Variants in GRID2 observed in about 807,000 individuals in gnomAD.
GRID2 encodes glutamate ionotropic receptor delta type subunit 2, also known as glutamate receptor ionotropic, delta-2.
Under a neutral mutation model 114.8 loss-of-function variants are expected in GRID2, and 33 were observed. The ratio of observed to expected loss-of-function variants is 0.29; its 90% confidence interval spans 0.22 to 0.38. The LOEUF is 0.38. GRID2 is among the 10% of genes least tolerant of loss of function. GRID2 has a pLI of 1.00. For missense variants in GRID2, 1,184 were observed against 1,257.7 expected, an observed-to-expected ratio of 0.94 and a Z score of 0.89; for synonymous variants, 505 against 449.9, an observed-to-expected ratio of 1.12 and a Z score of -1.55.
chr4:92,321,477 A>C (rs1474751558), intron 1 of GRID2, among the ~76,000 whole-genome samples: 1 of 152,184 alleles, frequency 6.6e-6, no homozygotes, highest in African/African-American at 2.4e-5. Context: ...GCTTTTCAGC[A>C]TGTTTTTTCT....
intron 1 of GRID2, among the ~76,000 whole-genome samples, chr4:93,801,301 AC>A (rs1734922729): frequency 6.6e-6 from 1 of 152,088 alleles, no homozygotes; most frequent in African/African-American, 2.4e-5. Flanking sequence ...GTTAAATTTA[AC>A]TATTATTTAA....
chr4:93,607,365 C>T (rs1366623373), intron 13 of GRID2, among the ~76,000 whole-genome samples: 1 of 152,096 alleles, frequency 6.6e-6, no homozygotes, highest in Non-Finnish European at 1.5e-5. Context: ...GAAATCCTTC[C>T]ATAGCACCTT....
intron 13 of GRID2, among the ~76,000 whole-genome samples, chr4:93,555,779 A>G (rs1227000987): frequency 1.3e-5 from 2 of 152,176 alleles, no homozygotes; most frequent in African/African-American, 4.8e-5. Flanking sequence ...TTCCTCCTCA[A>G]GTGGGTCCCT....
chr4:92,329,811 A>G (rs1286750584), intron 1 of GRID2, among the ~76,000 whole-genome samples: 1 of 151,996 alleles, frequency 6.6e-6, no homozygotes, highest in African/African-American at 2.4e-5. Context: ...AGAGAGTGAT[A>G]GAGGATATGA....
intron 2 of GRID2, among the ~76,000 whole-genome samples, chr4:92,885,925 C>G (rs1389921002): frequency 6.6e-6 from 1 of 152,100 alleles, no homozygotes; most frequent in Non-Finnish European, 1.5e-5. Context: ...ATGTTAACTT[C>G]CACATGGTAA....
chr4:92,738,273 ATG>A (rs1736700004), intron 2 of GRID2, among the ~76,000 whole-genome samples: 1 of 152,104 alleles, frequency 6.6e-6, no homozygotes, highest in Admixed American at 6.6e-5. Flanking sequence ...GATGGATTGA[ATG>A]TCTGTTCCTT....
At chr4:92,859,043 G>C (rs960146723) in intron 2 of GRID2, among the ~76,000 whole-genome samples, 1 of 152,004 alleles carries the variant, frequency 6.6e-6, no homozygotes, top group Admixed American at 6.6e-5. Flanking sequence ...ATCCTACTAC[G>C]GGTAAAATGA....
In GRID2 at chr4:93,190,185, T is replaced by G. The variant is rs141204852; in HGVS notation, c.736-17219T>G. ...GAAAGGGAACTAACACTTTTGTTTT[T>G]TATTAAAATAAAAAGAAACAACAAA... On this transcript the variant is annotated intron_variant, in intron 4 of 15. Coordinates refer to ENST00000282020, the MANE Select transcript of GRID2 (RefSeq NM_001510.4). Among the ~76,000 whole-genome samples, 636 of 152,252 alleles carry G rather than the reference T, an allele frequency of 4.2e-3. 8 individuals carry two copies. The highest frequency in any genetic ancestry group is 0.015 in the African/African-American group (613 of 41,574).
intron 8 of GRID2, among the ~76,000 whole-genome samples, chr4:93,377,365 T>C (rs1235051457): frequency 6.6e-6 from 1 of 152,210 alleles, no homozygotes; most frequent in Non-Finnish European, 1.5e-5. Context: ...TGAGCTTTGA[T>C]GAGTCAATCA....
rs528237558 is a variant in GRID2 at position 92,365,615 on chromosome 4, T to C, written c.88+60871T>C. On this transcript the variant is annotated intron_variant, in intron 1 of 15. Coordinates refer to ENST00000282020, the MANE Select transcript of GRID2 (RefSeq NM_001510.4). Reference sequence around the variant, plus strand: ...CAATAGAATCAATAATATTGTATTATATATTTCAAAGAAACTAAGAAGAAA... The same window carrying C: ...CAATAGAATCAATAATATTGTATTACATATTTCAAAGAAACTAAGAAGAAA... 7.9e-5 allele frequency among the ~76,000 whole-genome samples: 12 copies of C among 152,108 alleles called. No individual in the cohort carries two copies. In the East Asian group the frequency reaches 1.4e-3, roughly 17 times the overall value.
chr4:93,539,398 A>T (rs941155513), intron 13 of GRID2, among the ~76,000 whole-genome samples: 1 of 151,940 alleles, frequency 6.6e-6, no homozygotes, highest in Non-Finnish European at 1.5e-5. Context: ...CACTTATTCA[A>T]CCTCAAGCTT....
intron 2 of GRID2, among the ~76,000 whole-genome samples, chr4:92,941,874 T>C (rs940363210): frequency 2.6e-5 from 4 of 152,046 alleles, no homozygotes; most frequent in Non-Finnish European, 5.9e-5. Flanking sequence ...TGTAGTTGAG[T>C]GGTTTTGAGT....
At chr4:92,449,880 C>G (rs1720814405) in intron 1 of GRID2, among the ~76,000 whole-genome samples, 1 of 151,360 alleles carries the variant, frequency 6.6e-6, no homozygotes, top group African/African-American at 2.4e-5. Context: ...GGAAAAGCAC[C>G]TTTATCAAAG....
intron 1 of GRID2, among the ~76,000 whole-genome samples, chr4:92,580,589 T>A (rs1728134161): frequency 6.7e-6 from 1 of 149,826 alleles, no homozygotes; most frequent in South Asian, 2.1e-4. Flanking sequence ...AATTAGAATT[T>A]TTACTCTGTA....
chr4:92,548,428 G>GTT (rs1257540747), intron 1 of GRID2, among the ~76,000 whole-genome samples: 3 of 9,578 alleles, frequency 3.1e-4, no homozygotes, highest in African/African-American at 1.1e-3. Context: ...TTGAGACAGA[G>GTT]TCTTGTTCTG....
intron 2 of GRID2, among the ~76,000 whole-genome samples, chr4:93,027,981 C>A (rs548915802): frequency 6.6e-6 from 1 of 152,110 alleles, no homozygotes; most frequent in South Asian, 2.1e-4. Context: ...CATGTCATAT[C>A]TAAGAAATTA....
intron 14 of GRID2, among the ~76,000 whole-genome samples, chr4:93,661,770 C>T (rs1723514969): frequency 6.6e-6 from 1 of 152,026 alleles, no homozygotes; most frequent in Admixed American, 6.6e-5. Flanking sequence ...GCTGTGTAGT[C>T]GGCACAAATG....
intron 1 of GRID2, among the ~76,000 whole-genome samples, chr4:92,492,161 CAG>C (rs530960315): frequency 1.2e-3 from 177 of 152,266 alleles, no homozygotes; most frequent in Admixed American, 6.1e-3. Context: ...AAAAAGTAAA[CAG>C]AGTCTTTGAA....
intron 13 of GRID2, among the ~76,000 whole-genome samples, chr4:93,616,725 T>A (rs1005364780): frequency 2.0e-5 from 3 of 151,526 alleles, no homozygotes; most frequent in Non-Finnish European, 4.4e-5. Context: ...AAAATATCAG[T>A]AAACTTTTGC....
Sources: gnomAD v4.1 joint callset for allele counts (sites outside exome capture counted in the v4.1 genomes callset) on GRCh38, gnomAD v4.1.1 for gene constraint, MANE v1.5 for transcripts, NCBI Gene and HGNC (gene_info 2026-07-23, HGNC 2026-07-21) for gene names.